CCDC91: variants seen among roughly 807,000 people sequenced by gnomAD.
The protein encoded by CCDC91 is coiled-coil domain-containing protein 91.
A neutral mutation model predicts 63.2 loss-of-function variants in CCDC91; 48 were observed. The ratio of observed to expected loss-of-function variants is 0.76; its 90% CI spans 0.60 to 0.97. CCDC91 has a LOEUF of 0.97. Among genes scored for constraint, CCDC91 ranks in the 50% least tolerant of loss-of-function variants. The probability of loss-of-function intolerance (pLI) is 0.00; values close to 1 mark genes in which losing one functional copy is unlikely to be tolerated. For missense variants in CCDC91, 500 were observed against 494.6 expected (o/e 1.01, Z -0.10); for synonymous variants, 167 against 165.8 (o/e 1.01, Z -0.06).
intron 3 of CCDC91, among the ~76,000 whole-genome samples, chr12:28,301,422 T>A (rs914926480): frequency 6.6e-6 from 1 of 151,640 alleles, no homozygotes; most frequent in Non-Finnish European, 1.5e-5. Context: ...GTTCTATTGG[T>A]TCATTACATA....
At chr12:28,358,757 G>T (rs1471714714) in intron 6 of CCDC91, among the ~76,000 whole-genome samples, 1 of 152,188 alleles carries the variant, frequency 6.6e-6, no homozygotes, top group Non-Finnish European at 1.5e-5. Context: ...GTCAGGAAAA[G>T]TCTCTCTAGT....
At chr12:28,446,897 T>C (rs1054391666) in intron 8 of CCDC91, among the ~76,000 whole-genome samples, 11 of 152,366 alleles carry the variant, frequency 7.2e-5, no homozygotes, top group African/African-American at 2.6e-4. Context: ...AAAGTATTTC[T>C]GGACAAAAAG....
chr12:28,394,711 G>GCTCGCTCTCTCT (rs1946176047), intron 8 of CCDC91, among the ~76,000 whole-genome samples: 1 of 136,948 alleles, frequency 7.3e-6, no homozygotes, highest in Admixed American at 7.2e-5. Context: ...TCTGTTTCTT[G>GCTCGCTCTCTCT]CTCTCTCTCT....
intron 3 of CCDC91, among the ~76,000 whole-genome samples, chr12:28,294,475 CTCCT>C (rs1176728495): frequency 3.9e-5 from 6 of 152,156 alleles, no homozygotes; most frequent in Admixed American, 3.9e-4. Context: ...GGCTCTCTTT[CTCCT>C]TCTGTCTTGT....
At chr12:28,542,374 A>G (rs544356494) in intron 12 of CCDC91, among the ~76,000 whole-genome samples, 62 of 152,184 alleles carry the variant, frequency 4.1e-4, no homozygotes, top group African/African-American at 1.5e-3. Context: ...TCTGTAATTC[A>G]TCTTGTGCAT....
chr12:28,279,857 A>G (rs1336736701), intron 3 of CCDC91, among the ~76,000 whole-genome samples: 3 of 147,636 alleles, frequency 2.0e-5, no homozygotes, highest in Non-Finnish European at 4.6e-5. Flanking sequence ...AAAACAATAT[A>G]TTTTCTTTGT....
chr12:28,423,962 G>T (rs576474695), intron 8 of CCDC91, among the ~76,000 whole-genome samples: 47 of 152,274 alleles, frequency 3.1e-4, no homozygotes, highest in Admixed American at 1.2e-3. Context: ...TAGAACAGTT[G>T]AAGGCACTTG....
intron 1 of CCDC91, among the ~76,000 whole-genome samples, chr12:28,247,587 GA>G (rs755562799): frequency 2.0e-5 from 3 of 152,142 alleles, no homozygotes; most frequent in Non-Finnish European, 2.9e-5. Flanking sequence ...TTGCAGAGTG[GA>G]GAATGGACTA....
chr12:28,229,590 C>T (rs1944468481), intron 1 of CCDC91, among the ~76,000 whole-genome samples: 1 of 152,098 alleles, frequency 6.6e-6, no homozygotes, highest in Non-Finnish European at 1.5e-5. Context: ...TGGGACTGAA[C>T]TTTTGCATGT....
intron 7 of CCDC91, among the ~76,000 whole-genome samples, chr12:28,378,550 G>A (rs1008311211): frequency 6.6e-6 from 1 of 152,026 alleles, no homozygotes; most frequent in African/African-American, 2.4e-5. Flanking sequence ...ATATTGCTAA[G>A]TTTTTGCTCA....
intron 6 of CCDC91, among the ~76,000 whole-genome samples, chr12:28,354,501 C>T (rs1191201636): frequency 1.3e-5 from 2 of 152,032 alleles, no homozygotes; most frequent in African/African-American, 2.4e-5. Context: ...CTTGGACAAA[C>T]CTTTTAGGGA....
intron 8 of CCDC91, among the ~76,000 whole-genome samples, chr12:28,429,499 G>T (rs1948514200): frequency 6.6e-6 from 1 of 151,808 alleles, no homozygotes; most frequent in African/African-American, 2.4e-5. Flanking sequence ...CATATAAAAT[G>T]AATTATAATA....
intron 1 of CCDC91, among the ~76,000 whole-genome samples, chr12:28,241,812 A>G (rs1297917890): frequency 2.0e-5 from 3 of 152,132 alleles, no homozygotes; most frequent in South Asian, 2.1e-4. Flanking sequence ...CCTGGCCAAC[A>G]TGGCAAAACC....
intron 12 of CCDC91, among the ~76,000 whole-genome samples, chr12:28,521,889 A>G (rs1940712133): frequency 6.6e-6 from 1 of 152,140 alleles, no homozygotes; most frequent in South Asian, 2.1e-4. Context: ...TGATTTGTGT[A>G]TGGCAAACCA....
intron 11 of CCDC91, among the ~76,000 whole-genome samples, chr12:28,464,582 T>A (rs1566015582): frequency 6.6e-6 from 1 of 152,138 alleles, no homozygotes; most frequent in Non-Finnish European, 1.5e-5. Context: ...TTTCTAGACA[T>A]ATCTTAGGCC....
intron 11 of CCDC91, among the ~76,000 whole-genome samples, chr12:28,473,310 A>T (rs959433941): frequency 6.6e-6 from 1 of 152,198 alleles, no homozygotes; most frequent in Admixed American, 6.6e-5. Flanking sequence ...TTCAGACAGA[A>T]ATTAATAGAA....
chr12:28,301,015 G>A (rs1938017074), intron 3 of CCDC91, among the ~76,000 whole-genome samples: 3 of 151,534 alleles, frequency 2.0e-5, no homozygotes, highest in Non-Finnish European at 4.4e-5. Flanking sequence ...TCTCATGATA[G>A]AAACATGAAA....
Position 28,549,199 on chromosome 12 carries a change from CA to C in CCDC91, c.*27del, listed in dbSNP as rs1386217747. ...AAAGAACATGACAAACCCACACTGGCATTGGATAAATCATATTACACCTTCA... is the reference window on the plus strand; with the variant it reads ...AAAGAACATGACAAACCCACACTGGCTTGGATAAATCATATTACACCTTCA... On this transcript the variant is annotated 3_prime_UTR_variant, in exon 13 of 13. Transcript: ENST00000536442. 1 of 1,251,242 alleles carries C rather than the reference CA, an allele frequency of 8.0e-7. No homozygotes were observed. Among genetic ancestry groups the C allele is most frequent in the East Asian group, 2.3e-5 (1 of 43,098 alleles). The allele number at this position is 1,251,242 out of a possible 1,614,324, so 77.5% of individuals were successfully genotyped here. A position where few individuals can be genotyped will look rare whatever the true frequency, so the allele number is the denominator to read the frequency against.
chr12:28,415,466 TG>T (rs1288711730), intron 8 of CCDC91, among the ~76,000 whole-genome samples: 4 of 152,118 alleles, frequency 2.6e-5, no homozygotes, highest in Non-Finnish European at 5.9e-5. Context: ...GTGATCCGCC[TG>T]CCTCAGCCTC....
Sources: gnomAD v4.1 joint callset for allele counts (sites outside exome capture counted in the v4.1 genomes callset) on GRCh38, gnomAD v4.1.1 for gene constraint, MANE v1.5 for transcripts, NCBI Gene and HGNC (gene_info 2026-07-23, HGNC 2026-07-21) for gene names.